THOC1: variants seen among roughly 807,000 people sequenced by gnomAD.
The protein encoded by THOC1 is THO complex 1.
Under a neutral mutation model 97.3 loss-of-function variants are expected in THOC1, and 29 were observed. That is an observed-to-expected ratio of 0.30 (90% CI 0.22 to 0.41). THOC1 has a LOEUF of 0.41. Ranked by LOEUF, THOC1 falls within the 10% of genes least tolerant of loss-of-function variation. The probability of loss-of-function intolerance (pLI) is 1.00; values close to 1 mark genes in which losing one functional copy is unlikely to be tolerated. For synonymous variants in THOC1, 255 were observed against 257.0 expected, an observed-to-expected ratio of 0.99 and a Z score of 0.07; for missense variants, 529 against 761.9, an observed-to-expected ratio of 0.69 and a Z score of 3.60.
At chr18:255,980 T>C (rs1347222026) in intron 7 of THOC1, among the ~76,000 whole-genome samples, 2 of 152,240 alleles carry the variant, frequency 1.3e-5, no homozygotes, top group Non-Finnish European at 2.9e-5. Flanking sequence ...AAGGCCACTG[T>C]TGAGACTTAA....
Position 268,028 on chromosome 18 carries a change from C to G in THOC1, c.-9G>C. The G allele has an allele frequency of 6.3e-7, 1 of 1,576,390 alleles. No individual in the cohort carries two copies. The highest frequency in any genetic ancestry group is 1.7e-4 in the Middle Eastern group (1 of 6,016). On this transcript the variant is annotated 5_prime_UTR_variant, in exon 1 of 21. Coordinates refer to ENST00000261600, the MANE Select transcript of THOC1 (RefSeq NM_005131.3). The stretch of plus-strand genomic sequence containing the variant: ...GGCGGCGTCGGAGACATCTTCTCGG[C>G]TGCGCGTGCCCGCCACTGCGCTGCG...
intron 9 of THOC1, 96 bp downstream of exon 9, chr18:252,443 C>T: frequency 1.1e-6 from 1 of 922,078 alleles, no homozygotes; most frequent in South Asian, 1.4e-5. Context: ...CTTATAATTT[C>T]TTTCCTCCTT....
At chr18:241,167 A>T (rs550893720) in intron 11 of THOC1, among the ~76,000 whole-genome samples, 30 of 145,970 alleles carry the variant, frequency 2.1e-4, no homozygotes, top group African/African-American at 5.1e-4. Flanking sequence ...CTAATGAGAT[A>T]AAAAAAAAAA....
At position 257,242 on chromosome 18, in the gene THOC1, T is replaced by C. The variant is rs1912464995; in HGVS notation, c.520+1938A>G. ...TACATTATAATAGAGTTGATCCTTATTATTCATGACTATTCCAGAACAATT... is the reference window on the plus strand; with the variant it reads ...TACATTATAATAGAGTTGATCCTTACTATTCATGACTATTCCAGAACAATT... On this transcript the variant is annotated intron_variant, in intron 7 of 20. Transcript: ENST00000261600. Among the ~76,000 whole-genome samples the C allele has an allele frequency of 3.3e-5, 5 of 152,336 alleles. No individual in the cohort carries two copies. The South Asian group carries it at 1.0e-3, about 32-fold the overall frequency.
intron 11 of THOC1, among the ~76,000 whole-genome samples, chr18:227,383 AAAG>A (rs1911329313): frequency 6.6e-6 from 1 of 152,190 alleles, no homozygotes; most frequent in Non-Finnish European, 1.5e-5. Flanking sequence ...AATAATGGCT[AAAG>A]AAGATACGGA....
At position 224,272 on chromosome 18, in the gene THOC1, T is replaced by C. The variant is rs1485681752; in HGVS notation, c.1209-93A>G. On this transcript the variant is annotated intron_variant, in intron 15 of 20. Transcript: ENST00000261600. ...ACGTAAAAGAAAATTTAGTTATTGT[T>C]TTCCTCTTAAAAAAGATGAAAACTG... 2.9e-6 allele frequency: 3 copies of C among 1,034,390 alleles called. No individual in the cohort carries two copies. In the African/African-American group the frequency reaches 4.8e-5, roughly 17 times the overall value. The allele number at this position is 1,034,390 out of a possible 1,614,324, so 64.1% of individuals were successfully genotyped here.
At chr18:251,239 T>G (rs1439076508) in intron 9 of THOC1, among the ~76,000 whole-genome samples, 1 of 152,194 alleles carries the variant, frequency 6.6e-6, no homozygotes, top group Non-Finnish European at 1.5e-5. Flanking sequence ...TAGGAAGTAT[T>G]GGAGTTAAGC....
rs77154435 is a variant in THOC1 at position 252,436 on chromosome 18, A to G, written c.677+103T>C. ...AAATTACAAATGAAAGAAATTTCTT[A>G]TAATTTCTTTCCTCCTTGTCTATCT... On this transcript the variant is annotated intron_variant, in intron 9 of 20. Coordinates refer to ENST00000261600, the MANE Select transcript of THOC1 (RefSeq NM_005131.3). 6,470 of 874,104 alleles carry G rather than the reference A, an allele frequency of 7.4e-3. 38 individuals are homozygous for G. Among genetic ancestry groups the G allele is most frequent in the East Asian group, 0.019 (758 of 40,728 alleles). 54.1% of individuals were successfully genotyped at this position (874,104 alleles called of 1,614,324 possible). A position where few individuals can be genotyped will look rare whatever the true frequency, so the allele number is the denominator to read the frequency against.
chr18:217,657 G>A (rs560109479), intron 18 of THOC1, among the ~76,000 whole-genome samples: 2 of 152,274 alleles, frequency 1.3e-5, no homozygotes, highest in South Asian at 4.1e-4. Flanking sequence ...TGAGAAATGA[G>A]AAAGTGGTAA....
rs370458498 is a variant in THOC1 at position 259,294 on chromosome 18, G to A, written c.425-19C>T. 4 of 1,556,308 alleles carry A rather than the reference G, an allele frequency of 2.6e-6. No homozygotes were observed. The highest frequency in any genetic ancestry group is 3.5e-6 in the Non-Finnish European group (4 of 1,137,734). On this transcript the variant is annotated intron_variant, in intron 6 of 20. Coordinates refer to ENST00000261600, the MANE Select transcript of THOC1 (RefSeq NM_005131.3). ...AGGAGATCTAACAATATATGAAAAT[G>A]AACGTTACACAGAAAAGATAATTCT...
At chr18:235,434 C>T (rs1911646694) in intron 11 of THOC1, among the ~76,000 whole-genome samples, 1 of 152,030 alleles carries the variant, frequency 6.6e-6, no homozygotes, top group African/African-American at 2.4e-5. Flanking sequence ...CAATTTGTCA[C>T]TCTTTCTTGA....
chr18:215,334 G>A, intron 20 of THOC1, 95 bp downstream of exon 20: 2 of 915,564 alleles, frequency 2.2e-6, no homozygotes, highest in South Asian at 1.5e-5. Flanking sequence ...AATGGGAGAA[G>A]TTGAGAAGTC....
In THOC1 at chr18:226,787, C is replaced by A; in HGVS notation, c.1019+14G>T. 1.9e-6 allele frequency: 3 copies of A among 1,580,904 alleles called. No individual in the cohort carries two copies. The highest frequency in any genetic ancestry group is 2.3e-5 in the South Asian group (2 of 87,536). ...CTACTGTTTACAAATTGTTTACTAC[C>A]CATATTATCTTACCTTTTGAATTTG... On this transcript the variant is annotated intron_variant, in intron 12 of 20. Coordinates refer to ENST00000261600, the MANE Select transcript of THOC1 (RefSeq NM_005131.3).
chr18:232,128 C>A (rs532373842), intron 11 of THOC1, among the ~76,000 whole-genome samples: 2 of 152,260 alleles, frequency 1.3e-5, no homozygotes, highest in African/African-American at 4.8e-5. Context: ...TAGGATCTGA[C>A]TCTGTCAGCC....
At chr18:265,827 T>C (rs894655428) in intron 1 of THOC1, among the ~76,000 whole-genome samples, 4 of 152,076 alleles carry the variant, frequency 2.6e-5, no homozygotes, top group East Asian at 1.9e-4. Context: ...AAAATCTCCA[T>C]ATGGCTCCTT....
At chr18:248,187 A>G (rs530907950) in intron 9 of THOC1, among the ~76,000 whole-genome samples, 6 of 152,358 alleles carry the variant, frequency 3.9e-5, no homozygotes, top group African/African-American at 1.4e-4. Context: ...TTGGAAGGAC[A>G]CATGGTTATT....
chr18:214,950 C>T lies in THOC1; in HGVS notation c.1679-29G>A, dbSNP rs149213855. On this transcript the variant is annotated intron_variant, in intron 20 of 20. Coordinates refer to ENST00000261600, the MANE Select transcript of THOC1 (RefSeq NM_005131.3). ...GAAAATGAAGAGAATATAAATTATG[C>T]GCAATTCTAAGTATACAACAGAAAT... 6.9e-4 allele frequency: 1,102 copies of T among 1,604,540 alleles called. 3 individuals carry two copies. The African/African-American group carries it at 0.012, about 18-fold the overall frequency.
chr18:224,616 G>C (rs1911212781), intron 15 of THOC1, among the ~76,000 whole-genome samples: 1 of 151,290 alleles, frequency 6.6e-6, no homozygotes, highest in Non-Finnish European at 1.5e-5. Flanking sequence ...TATTATGATA[G>C]AACAATTATC....
chr18:251,371 T>G (rs1912274128), intron 9 of THOC1, among the ~76,000 whole-genome samples: 1 of 152,190 alleles, frequency 6.6e-6, no homozygotes, highest in African/African-American at 2.4e-5. Flanking sequence ...TAGACAGTAA[T>G]GGAAATTCTT....
Sources: allele counts gnomAD v4.1 joint callset (sites outside exome capture counted in the v4.1 genomes callset), GRCh38; gene constraint gnomAD v4.1.1; transcripts MANE v1.5; gene names NCBI Gene and HGNC (gene_info 2026-07-23, HGNC 2026-07-21).